BCL11A: variants seen among roughly 807,000 people sequenced by gnomAD.
BCL11A encodes the protein B cell CLL/lymphoma 11A.
In BCL11A, 2 loss-of-function variants were observed where a neutral mutation model predicts 55.9. The observed-to-expected ratio is 0.04, with a 90% CI of 0.01 to 0.11. BCL11A has a LOEUF of 0.11. BCL11A is among the 10% of genes least tolerant of loss of function. The pLI is 1.00. For synonymous variants in BCL11A, 465 were observed against 473.4 expected (o/e 0.98, Z 0.23); for missense variants, 817 against 1,137.1 (o/e 0.72, Z 4.05).
At chr2:60,507,946 A>ATAT (rs1679739757) in intron 2 of BCL11A, among the ~76,000 whole-genome samples, 1 of 152,200 alleles carries the variant, frequency 6.6e-6, no homozygotes, top group Non-Finnish European at 1.5e-5. Context: ...CACAAAAGAC[A>ATAT]TATTACACAC....
chr2:60,496,172 C>A (rs528370814), intron 2 of BCL11A, among the ~76,000 whole-genome samples: 1 of 152,308 alleles, frequency 6.6e-6, no homozygotes, highest in African/African-American at 2.4e-5. Context: ...TCCCAGAAAA[C>A]CAGAACCGGG....
At chr2:60,495,435 G>C (rs1290768474) in intron 2 of BCL11A, among the ~76,000 whole-genome samples, 4 of 152,220 alleles carry the variant, frequency 2.6e-5, no homozygotes, top group Non-Finnish European at 2.9e-5. Flanking sequence ...CTGGGGCATA[G>C]AGCCAGCCCT....
rs770956284 is a variant in BCL11A, at chr2:60,460,362, G to C, written c.*42C>G. The C allele has an allele frequency of 3.2e-6, 5 of 1,549,452 alleles. No homozygotes were observed. The highest frequency in any genetic ancestry group is 1.2e-5 in the South Asian group (1 of 80,602). ...GATGGGGAAGGGGAGTGGTGAAAAA[G>C]GGGGTGTCAGGTGGGAGTGAGGGAG... On this transcript the variant is annotated 3_prime_UTR_variant, in exon 4 of 4. Coordinates refer to ENST00000642384, the MANE Select transcript of BCL11A (RefSeq NM_022893.4).
intron 2 of BCL11A, among the ~76,000 whole-genome samples, chr2:60,473,200 G>A (rs1385934600): frequency 1.3e-5 from 2 of 150,936 alleles, no homozygotes; most frequent in African/African-American, 4.9e-5. Context: ...GTGTGAATGT[G>A]TGTATATTTC....
At chr2:60,534,828 T>C (rs1420323560) in intron 2 of BCL11A, 1 of 152,248 alleles carries the variant, frequency 6.6e-6, no homozygotes, top group Non-Finnish European at 1.5e-5. Context: ...CAGCTTCATA[T>C]GCAAATTACA....
chr2:60,527,270 TAAG>T (rs752526491), intron 2 of BCL11A: 1 of 152,228 alleles, frequency 6.6e-6, no homozygotes, highest in Non-Finnish European at 1.5e-5. Context: ...GCGAGGGAAA[TAAG>T]AAGGGTTCTA....
At chr2:60,492,254 C>T (rs1678680824) in intron 2 of BCL11A, among the ~76,000 whole-genome samples, 1 of 152,164 alleles carries the variant, frequency 6.6e-6, no homozygotes, top group South Asian at 2.1e-4. Flanking sequence ...GTCGTCCCAG[C>T]TACTCAGGAG....
At chr2:60,507,039 C>T (rs1485166275) in intron 2 of BCL11A, among the ~76,000 whole-genome samples, 2 of 151,882 alleles carry the variant, frequency 1.3e-5, no homozygotes, top group Admixed American at 6.6e-5. Context: ...TAAACAGTAA[C>T]GTACATATGT....
At chr2:60,517,011 G>C (rs1330758087) in intron 2 of BCL11A, among the ~76,000 whole-genome samples, 2 of 152,232 alleles carry the variant, frequency 1.3e-5, no homozygotes, top group Non-Finnish European at 2.9e-5. Context: ...AATGAAGAAT[G>C]TAAAATATGA....
At chr2:60,469,131 G>A (rs980697177) in intron 2 of BCL11A, among the ~76,000 whole-genome samples, 39 of 152,172 alleles carry the variant, frequency 2.6e-4, no homozygotes, top group African/African-American at 9.2e-4. Flanking sequence ...TTATTGTCTT[G>A]TGGAAAGAAG....
chr2:60,451,875 G>GA lies in BCL11A; in HGVS notation c.*699dup, dbSNP rs543901884. ...TGCAAATTATAAGTCAGACAGTTAG[G>GA]AAAACCACACTTCAGCATTAATAAA... On this transcript the variant is annotated 3_prime_UTR_variant, in exon 5 of 5. Transcript: ENST00000356842. 25 of 228,530 alleles carry GA rather than the reference G, an allele frequency of 1.1e-4. No individual in the cohort carries two copies. The East Asian group carries it at 1.4e-3, about 13-fold the overall frequency. 14.2% of individuals were successfully genotyped at this position (228,530 alleles called of 1,614,324 possible).
chr2:60,467,456 G>GTGT, intron 3 of BCL11A, among the ~76,000 whole-genome samples: 1 of 1,548 alleles, frequency 6.5e-4, no homozygotes, highest in African/African-American at 8.6e-3. Flanking sequence ...GGTAATGGTG[G>GTGT]TGGTGGTGAT....
intron 2 of BCL11A, among the ~76,000 whole-genome samples, chr2:60,531,593 A>T (rs1573069467): frequency 6.6e-6 from 1 of 152,216 alleles, no homozygotes; most frequent in Non-Finnish European, 1.5e-5. Context: ...GCAAGGGGAA[A>T]GTCCAGCCAA....
At chr2:60,467,604 T>C (rs1370610549) in intron 3 of BCL11A, among the ~76,000 whole-genome samples, 56 of 82,908 alleles carry the variant, frequency 6.8e-4, no homozygotes, top group African/African-American at 2.7e-3. Context: ...ATGGTGGTGG[T>C]GGTGGTAGTG....
intron 2 of BCL11A, among the ~76,000 whole-genome samples, chr2:60,473,255 T>C (rs1467168838): frequency 6.8e-6 from 1 of 146,140 alleles, no homozygotes; most frequent in Non-Finnish European, 1.5e-5. Context: ...TTTTTTTTTT[T>C]CAGTGAGACA....
intron 3 of BCL11A, among the ~76,000 whole-genome samples, chr2:60,465,989 C>G (rs1218810160): frequency 6.6e-6 from 1 of 152,124 alleles, no homozygotes. Context: ...GCTCTGGAAG[C>G]CAGGGGCAGC....
In BCL11A at chr2:60,460,518, G is replaced by A. The variant is rs1169172988; in HGVS notation, c.2394C>T (p.Asp798=). The change falls in exon 4 of 4, where the codon GAC becomes GAT. Residue 798 remains aspartate, a synonymous_variant. Transcript: ENST00000642384. ...TCTTACAAATTTCACATTTGTAAACGTCCTTCCCCACCTGGCCATGCGTTT... is the reference window on the plus strand; with the variant it reads ...TCTTACAAATTTCACATTTGTAAACATCCTTCCCCACCTGGCCATGCGTTT... ...HMKTHGQVGK[D]VYKCEICKMP... 6.2e-7 allele frequency: 1 copy of A among 1,614,058 alleles called. No homozygotes were observed. Among genetic ancestry groups the A allele is most frequent in the Non-Finnish European group, 8.5e-7 (1 of 1,180,022 alleles).
intron 3 of BCL11A, among the ~76,000 whole-genome samples, chr2:60,466,906 T>G (rs910544634): frequency 6.6e-6 from 1 of 152,246 alleles, no homozygotes. Context: ...CCCCTAACCT[T>G]TTAGCCATGC....
chr2:60,519,146 G>C (rs1321765185), intron 2 of BCL11A, among the ~76,000 whole-genome samples: 1 of 152,148 alleles, frequency 6.6e-6, no homozygotes, highest in Non-Finnish European at 1.5e-5. Context: ...AGTACACCAG[G>C]AACCCCTTTC....
Sources: gnomAD v4.1 joint callset for allele counts (sites outside exome capture counted in the v4.1 genomes callset) on GRCh38, gnomAD v4.1.1 for gene constraint, MANE v1.5 for transcripts, NCBI Gene and HGNC (gene_info 2026-07-23, HGNC 2026-07-21) for gene names.